WIF1: variants seen among roughly 807,000 people sequenced by gnomAD.
WIF1 encodes Wnt inhibitory factor 1.
A neutral mutation model predicts 53.5 loss-of-function variants in WIF1; 35 were observed. The ratio of observed to expected loss-of-function variants is 0.65; its 90% CI spans 0.50 to 0.87. The LOEUF is 0.87. WIF1 is among the 40% of genes least tolerant of loss of function. The pLI, the probability that WIF1 is intolerant of heterozygous loss-of-function variation, is 0.00. For synonymous variants in WIF1, 171 were observed against 170.4 expected (o/e 1.00, Z -0.03); for missense variants, 467 against 476.8 (o/e 0.98, Z 0.19).
In WIF1 at chr12:65,051,632, A is replaced by G. The variant is rs115205809; in HGVS notation, c.1019-162T>C. Among the ~76,000 whole-genome samples the G allele has an allele frequency of 9.4e-3, 1,430 of 152,360 alleles. 19 individuals are homozygous for G. The highest frequency in any genetic ancestry group is 0.049 in the South Asian group (235 of 4,832). ...CCTGAATGAAGAGATCTCTGTTAAG[A>G]GCAACCCATTTTACTAACTCCATGA... On this transcript the variant is annotated intron_variant, in intron 9 of 9. Transcript: ENST00000286574.
chr12:65,117,871 G>A (rs1883536767), intron 2 of WIF1, among the ~76,000 whole-genome samples: 1 of 152,230 alleles, frequency 6.6e-6, no homozygotes, highest in Non-Finnish European at 1.5e-5. Context: ...TCAGTAAGGA[G>A]AGGGATGGGG....
At chr12:65,108,235 T>C (rs958157911) in intron 2 of WIF1, among the ~76,000 whole-genome samples, 2 of 152,232 alleles carry the variant, frequency 1.3e-5, no homozygotes, top group African/African-American at 4.8e-5. Flanking sequence ...GTCTTGTTCA[T>C]TTTCAACCTA....
chr12:65,105,917 T>C (rs1288344392), intron 2 of WIF1, among the ~76,000 whole-genome samples: 1 of 152,172 alleles, frequency 6.6e-6, no homozygotes, highest in Non-Finnish European at 1.5e-5. Context: ...AGGGGTAGAC[T>C]CTTCTCCATT....
At chr12:65,100,957 C>A (rs1199630682) in intron 2 of WIF1, among the ~76,000 whole-genome samples, 1 of 152,072 alleles carries the variant, frequency 6.6e-6, no homozygotes, top group Admixed American at 6.6e-5. Flanking sequence ...CCCTACTGCC[C>A]TTAAGCAAAA....
At chr12:65,086,270 G>T (rs1445959632) in intron 2 of WIF1, among the ~76,000 whole-genome samples, 1 of 152,062 alleles carries the variant, frequency 6.6e-6, no homozygotes, top group Admixed American at 6.6e-5. Flanking sequence ...CAGCAGTGGG[G>T]CTTCTGAAAA....
chr12:65,057,352 C>A (rs1198898257), intron 7 of WIF1, among the ~76,000 whole-genome samples: 1 of 152,174 alleles, frequency 6.6e-6, no homozygotes, highest in Non-Finnish European at 1.5e-5. Context: ...ATGCTTTTCA[C>A]AGATCTTTGA....
chr12:65,062,037 T>C (rs1882620620), intron 7 of WIF1, among the ~76,000 whole-genome samples: 1 of 152,200 alleles, frequency 6.6e-6, no homozygotes, highest in South Asian at 2.1e-4. Flanking sequence ...TGAGTCTACC[T>C]TTTTCTCTTA....
chr12:65,115,325 A>G, intron 2 of WIF1, among the ~76,000 whole-genome samples: 1 of 152,166 alleles, frequency 6.6e-6, no homozygotes, highest in Non-Finnish European at 1.5e-5. Flanking sequence ...GTAAAGATCT[A>G]TTTATATAAT....
At chr12:65,067,540 T>C (rs1181445856) in intron 5 of WIF1, among the ~76,000 whole-genome samples, 155 bp downstream of exon 5, 1 of 152,208 alleles carries the variant, frequency 6.6e-6, no homozygotes, top group Non-Finnish European at 1.5e-5. Context: ...TGGCCAGGAA[T>C]GGCCACAGAA....
At chr12:65,110,975 G>A (rs371919510) in intron 2 of WIF1, among the ~76,000 whole-genome samples, 4 of 152,140 alleles carry the variant, frequency 2.6e-5, no homozygotes, top group Non-Finnish European at 5.9e-5. Flanking sequence ...CATGGGGGAA[G>A]CCAGGGAGCA....
At chr12:65,098,780 T>C (rs1437287336) in intron 2 of WIF1, among the ~76,000 whole-genome samples, 1 of 152,164 alleles carries the variant, frequency 6.6e-6, no homozygotes, top group Non-Finnish European at 1.5e-5. Context: ...GATATGGTGA[T>C]GTTGTATCCT....
rs568340434 is a variant in WIF1 at position 65,106,513 on chromosome 12, G to A, written c.288+13904C>T. On this transcript the variant is annotated intron_variant, in intron 2 of 9. Coordinates refer to ENST00000286574, the MANE Select transcript of WIF1 (RefSeq NM_007191.5). ...TCAGTAGCTGGGATTACAGGTGCTC[G>A]CCACCACGCCTGGCTAATTTTTGTG... Among the ~76,000 whole-genome samples, 7 of 151,944 alleles carry A rather than the reference G, an allele frequency of 4.6e-5. No individual in the cohort carries two copies. In the East Asian group the frequency reaches 1.2e-3, roughly 25 times the overall value.
chr12:65,064,508 A>G (rs566877555), intron 6 of WIF1, among the ~76,000 whole-genome samples: 1 of 152,284 alleles, frequency 6.6e-6, no homozygotes, highest in African/African-American at 2.4e-5. Flanking sequence ...GTCTATTTCC[A>G]TAGTAGTAAT....
At chr12:65,078,892 C>T (rs766802685) in intron 2 of WIF1, among the ~76,000 whole-genome samples, 7 of 152,124 alleles carry the variant, frequency 4.6e-5, no homozygotes, top group South Asian at 2.1e-4. Context: ...AGGCCAGGCA[C>T]GGTGGCTCAC....
intron 3 of WIF1, among the ~76,000 whole-genome samples, chr12:65,077,520 G>A (rs1355003017): frequency 6.6e-6 from 1 of 151,908 alleles, no homozygotes; most frequent in African/African-American, 2.4e-5. Context: ...CTTAGTGTGG[G>A]CTGGGCTGGG....
chr12:65,086,305 G>T (rs1050292606), intron 2 of WIF1, among the ~76,000 whole-genome samples: 1 of 152,054 alleles, frequency 6.6e-6, no homozygotes, highest in Non-Finnish European at 1.5e-5. Context: ...AAGCTTCCAG[G>T]ACAAGTGCCT....
intron 2 of WIF1, among the ~76,000 whole-genome samples, chr12:65,083,070 TTGAA>T (rs1479348046): frequency 6.6e-6 from 1 of 152,196 alleles, no homozygotes; most frequent in Non-Finnish European, 1.5e-5. Flanking sequence ...ATAATTTTTG[TTGAA>T]TGTTTATTAT....
At chr12:65,092,217 T>C (rs992738807) in intron 2 of WIF1, among the ~76,000 whole-genome samples, 3 of 149,696 alleles carry the variant, frequency 2.0e-5, no homozygotes, top group African/African-American at 7.4e-5. Flanking sequence ...TTCTCACTTA[T>C]AAGTGGGAGT....
intron 7 of WIF1, among the ~76,000 whole-genome samples, chr12:65,060,028 A>AG (rs1162642657): frequency 6.6e-6 from 1 of 151,950 alleles, no homozygotes; most frequent in Non-Finnish European, 1.5e-5. Context: ...TCATTTAAAA[A>AG]AAAAACAAAA....
Sources: gnomAD v4.1 joint callset for allele counts (sites outside exome capture counted in the v4.1 genomes callset) on GRCh38, gnomAD v4.1.1 for gene constraint, MANE v1.5 for transcripts, NCBI Gene and HGNC (gene_info 2026-07-23, HGNC 2026-07-21) for gene names.